OXCT1: variants seen among roughly 807,000 people sequenced by gnomAD.
OXCT1 encodes the protein 3-oxoacid CoA-transferase 1.
In OXCT1, 27 loss-of-function variants were observed where a neutral mutation model predicts 69.6. That is an observed-to-expected ratio of 0.39 (90% CI 0.29 to 0.54). The LOEUF (loss-of-function observed/expected upper bound fraction) is 0.54, where lower values mean the gene tolerates loss of function less well. Ranked by LOEUF, OXCT1 falls within the 20% of genes least tolerant of loss-of-function variation. The pLI, the probability that OXCT1 is intolerant of heterozygous loss-of-function variation, is 0.72. For synonymous variants in OXCT1, 202 were observed against 217.8 expected, an observed-to-expected ratio of 0.93 and a Z score of 0.64; for missense variants, 437 against 650.2, an observed-to-expected ratio of 0.67 and a Z score of 3.57.
chr5:41,850,276 T>C lies in OXCT1; in HGVS notation c.415-97A>G, dbSNP rs78973930. On this transcript the variant is annotated intron_variant, in intron 4 of 16. Transcript: ENST00000196371. ...GTGGTTCCTACTATCTAGAGGCTTA[T>C]AATTCTAAAAAGTAGCTAGCATTGT... 3,712 of 1,368,996 alleles carry C rather than the reference T, an allele frequency of 2.7e-3. 39 individuals carry two copies. The African/African-American group carries it at 0.031, about 11-fold the overall frequency. 84.8% of individuals were successfully genotyped at this position (1,368,996 alleles called of 1,614,324 possible).
intron 1 of OXCT1, among the ~76,000 whole-genome samples, chr5:41,868,551 G>A (rs1191195791): frequency 1.3e-5 from 2 of 152,040 alleles, no homozygotes; most frequent in South Asian, 2.1e-4. Flanking sequence ...GTGAAACCCC[G>A]TCTCTACTAA....
At chr5:41,769,713 C>T (rs933094956) in intron 13 of OXCT1, among the ~76,000 whole-genome samples, 5 of 151,934 alleles carry the variant, frequency 3.3e-5, no homozygotes, top group Non-Finnish European at 7.4e-5. Flanking sequence ...AGAGAGAAAC[C>T]GTGACTCAAG....
At chr5:41,799,645 T>C (rs1746338656) in intron 11 of OXCT1, among the ~76,000 whole-genome samples, 1 of 152,212 alleles carries the variant, frequency 6.6e-6, no homozygotes, top group Non-Finnish European at 1.5e-5. Flanking sequence ...ATTTTGCAAA[T>C]AACTCACTAA....
In OXCT1 at chr5:41,833,755, G is replaced by A. The variant is rs138103611; in HGVS notation, c.732+6696C>T. On this transcript the variant is annotated intron_variant, in intron 7 of 16. Transcript: ENST00000196371. ...AAACAAAAAGTTAAAAAGCATAGGG[G>A]TGAAGTAAAAGTGTAGAGTTTTGGC... Among the ~76,000 whole-genome samples, 510 of 152,158 alleles carry A rather than the reference G, an allele frequency of 3.4e-3. 2 individuals carry two copies. Among genetic ancestry groups the A allele is most frequent in the Non-Finnish European group, 5.8e-3 (392 of 67,996 alleles).
chr5:41,797,814 G>A (rs1179882286), intron 11 of OXCT1, among the ~76,000 whole-genome samples: 1 of 152,206 alleles, frequency 6.6e-6, no homozygotes, highest in Non-Finnish European at 1.5e-5. Context: ...GGTGAGGTCT[G>A]AGAATTTCAT....
intron 13 of OXCT1, among the ~76,000 whole-genome samples, chr5:41,792,814 T>C (rs1004923092): frequency 2.0e-5 from 3 of 152,036 alleles, no homozygotes; most frequent in African/African-American, 7.3e-5. Context: ...TAATCAATCT[T>C]TAATATGCTG....
At chr5:41,754,412 G>C (rs1028939480) in intron 14 of OXCT1, among the ~76,000 whole-genome samples, 1 of 152,006 alleles carries the variant, frequency 6.6e-6, no homozygotes, top group Non-Finnish European at 1.5e-5. Context: ...AACTGATGTA[G>C]CTGGATTATT....
chr5:41,751,234 T>A (rs1426670652), intron 14 of OXCT1, among the ~76,000 whole-genome samples: 1 of 152,142 alleles, frequency 6.6e-6, no homozygotes, highest in Non-Finnish European at 1.5e-5. Context: ...GGGCCTGACT[T>A]CAAACAAACT....
chr5:41,836,630 G>A (rs184881224), intron 7 of OXCT1, among the ~76,000 whole-genome samples: 6 of 152,208 alleles, frequency 3.9e-5, no homozygotes, highest in East Asian at 3.9e-4. Flanking sequence ...ATCATCAGGC[G>A]TTAGTTAGAT....
intron 11 of OXCT1, among the ~76,000 whole-genome samples, chr5:41,795,997 T>G (rs1468766351): frequency 6.6e-6 from 1 of 152,214 alleles, no homozygotes; most frequent in Non-Finnish European, 1.5e-5. Context: ...TTTCTTTTTC[T>G]GACTCATCTG....
At chr5:41,787,148 A>C (rs1303175606) in intron 13 of OXCT1, among the ~76,000 whole-genome samples, 1 of 152,222 alleles carries the variant, frequency 6.6e-6, no homozygotes, top group African/African-American at 2.4e-5. Flanking sequence ...TAACTCTGTG[A>C]TATATCAAAA....
chr5:41,792,152 A>G (rs1745954033), intron 13 of OXCT1, among the ~76,000 whole-genome samples: 1 of 152,218 alleles, frequency 6.6e-6, no homozygotes, highest in Non-Finnish European at 1.5e-5. Context: ...CTAAGTGTCA[A>G]GCTCTGTGCT....
intron 15 of OXCT1, among the ~76,000 whole-genome samples, chr5:41,748,829 C>G (rs1743631673): frequency 6.6e-6 from 1 of 152,050 alleles, no homozygotes; most frequent in African/African-American, 2.4e-5. Context: ...GTGGCTTCTT[C>G]AAGGTACTGA....
intron 13 of OXCT1, among the ~76,000 whole-genome samples, chr5:41,782,467 G>A (rs1156610718): frequency 6.6e-6 from 1 of 152,124 alleles, no homozygotes; most frequent in Non-Finnish European, 1.5e-5. Context: ...GCCTGCCTTA[G>A]CCCCCCAAAG....
intron 7 of OXCT1, 97 bp downstream of exon 7, chr5:41,840,354 T>C (rs1748566844): frequency 1.1e-6 from 1 of 906,346 alleles, no homozygotes; most frequent in Non-Finnish European, 1.8e-6. Flanking sequence ...CTGTCATTGT[T>C]ATCCATAAAA....
intron 15 of OXCT1, among the ~76,000 whole-genome samples, chr5:41,744,662 T>G (rs957568304): frequency 7.9e-5 from 12 of 152,112 alleles, no homozygotes; most frequent in African/African-American, 2.9e-4. Context: ...TTATTGAGAG[T>G]TTTTAGCATG....
chr5:41,810,536 C>T (rs890539910), intron 7 of OXCT1, among the ~76,000 whole-genome samples: 9 of 152,050 alleles, frequency 5.9e-5, no homozygotes, highest in Non-Finnish European at 1.2e-4. Context: ...TTTGAGGCTT[C>T]TCTAATTGGT....
intron 11 of OXCT1, among the ~76,000 whole-genome samples, chr5:41,799,539 C>T (rs1235396314): frequency 6.6e-6 from 1 of 152,280 alleles, no homozygotes; most frequent in Non-Finnish European, 1.5e-5. Flanking sequence ...GAATCAGAAA[C>T]ACCTACTGTC....
At chr5:41,787,043 G>A (rs1342014958) in intron 13 of OXCT1, among the ~76,000 whole-genome samples, 6 of 152,086 alleles carry the variant, frequency 3.9e-5, no homozygotes, top group Admixed American at 3.9e-4. Context: ...GCCAAATAAC[G>A]CAAGAAAATA....
Sources: allele counts gnomAD v4.1 joint callset (sites outside exome capture counted in the v4.1 genomes callset), GRCh38; gene constraint gnomAD v4.1.1; transcripts MANE v1.5; gene names NCBI Gene and HGNC (gene_info 2026-07-23, HGNC 2026-07-21).